GAD2: variants seen among roughly 807,000 people sequenced by gnomAD.
The protein encoded by GAD2 is 65 kDa glutamic acid decarboxylase.
GAD2 carries 22 observed loss-of-function variants against 80.1 expected under a neutral mutation model. The ratio of observed to expected loss-of-function variants is 0.27; its 90% CI spans 0.20 to 0.39. The LOEUF is 0.39. Among genes scored for constraint, GAD2 ranks in the 10% least tolerant of loss-of-function variants. GAD2 has a pLI of 1.00. For synonymous variants in GAD2, 274 were observed against 256.9 expected, an observed-to-expected ratio of 1.07 and a Z score of -0.64; for missense variants, 624 against 738.4, an observed-to-expected ratio of 0.85 and a Z score of 1.80.
chr10:26,275,788 A>G (rs560371824), intron 11 of GAD2, among the ~76,000 whole-genome samples: 2 of 152,204 alleles, frequency 1.3e-5, no homozygotes, highest in African/African-American at 2.4e-5. Flanking sequence ...AAGTAGAAGA[A>G]ATCCGTAGTC....
chr10:26,262,220 TGG>T (rs1845016970), intron 8 of GAD2, among the ~76,000 whole-genome samples: 1 of 151,464 alleles, frequency 6.6e-6, no homozygotes, highest in Admixed American at 6.6e-5. Context: ...CATTTTGAGG[TGG>T]GGGCAGATTT....
At chr10:26,230,291 T>C (rs1844584654) in intron 7 of GAD2, among the ~76,000 whole-genome samples, 1 of 152,222 alleles carries the variant, frequency 6.6e-6, no homozygotes, top group Non-Finnish European at 1.5e-5. Flanking sequence ...GCAGAGGGAC[T>C]GTGAGCTCAT....
chr10:26,218,976 A>T, intron 3 of GAD2, 67 bp from the exon 4 acceptor site: 1 of 1,222,592 alleles, frequency 8.2e-7, no homozygotes, highest in African/African-American at 1.5e-5. Flanking sequence ...TTATTGCCTC[A>T]TCAAGATCTT....
intron 8 of GAD2, among the ~76,000 whole-genome samples, chr10:26,249,899 G>T (rs1342002825): frequency 6.6e-6 from 1 of 152,130 alleles, no homozygotes; most frequent in Non-Finnish European, 1.5e-5. Flanking sequence ...AGGCAGGAGG[G>T]GTTTGCCATG....
chr10:26,240,974 G>A (rs531023825), intron 7 of GAD2, among the ~76,000 whole-genome samples: 74 of 152,010 alleles, frequency 4.9e-4, no homozygotes, highest in Middle Eastern at 3.4e-3. Context: ...TCCGGGAAGC[G>A]GAGCTTGCAG....
At chr10:26,225,554 T>C (rs1374474131) in intron 6 of GAD2, among the ~76,000 whole-genome samples, 2 of 152,094 alleles carry the variant, frequency 1.3e-5, no homozygotes, top group Non-Finnish European at 2.9e-5. Flanking sequence ...TGTCGTTGTG[T>C]CAGACAGAGC....
chr10:26,280,961 G>A, intron 11 of GAD2, 48 bp from the exon 12 acceptor site: 1 of 1,325,098 alleles, frequency 7.5e-7, no homozygotes, highest in African/African-American at 1.4e-5. Flanking sequence ...CATGCCCTGA[G>A]CCTGTCAGGG....
chr10:26,217,870 G>C lies in GAD2; in HGVS notation c.165G>C (p.Pro55=), dbSNP rs763695378. 4 of 1,606,390 alleles carry C rather than the reference G, an allele frequency of 2.5e-6. No individual in the cohort carries two copies. The South Asian group carries it at 3.3e-5, about 13-fold the overall frequency. The part of the protein sequence containing the change: ...CALLYGDAEK[P]AESGGSQPPR... ...TGCTCTACGGAGACGCCGAGAAGCC[G>C]GCGGAGAGCGGCGGGAGCCAACCCC... Residue 55 remains proline (P), a synonymous_variant, in exon 3 of 16, where the codon CCG becomes CCC. Coordinates refer to ENST00000376261, the MANE Select transcript of GAD2 (RefSeq NM_001134366.2). This position sits in a 1 kb window ranked among gnomAD's most constrained non-coding sequence, Gnocchi z 4.9.
intron 8 of GAD2, among the ~76,000 whole-genome samples, chr10:26,261,493 G>C (rs772983380): frequency 8.5e-5 from 13 of 152,142 alleles, no homozygotes; most frequent in Non-Finnish European, 8.8e-5. Flanking sequence ...TTAAATGTGT[G>C]ATAGAACTAT....
chr10:26,229,220 C>T (rs1844568021), intron 6 of GAD2, among the ~76,000 whole-genome samples: 1 of 150,740 alleles, frequency 6.6e-6, no homozygotes, highest in African/African-American at 2.4e-5. Context: ...AGTTGATTAG[C>T]AGCTTACACC....
intron 8 of GAD2, among the ~76,000 whole-genome samples, chr10:26,267,664 G>A (rs376717168): frequency 3.3e-5 from 5 of 151,936 alleles, no homozygotes; most frequent in East Asian, 1.9e-4. Flanking sequence ...CCAGGTAATT[G>A]TCTTTCTTTG....
intron 6 of GAD2, among the ~76,000 whole-genome samples, chr10:26,225,580 G>C (rs904876457): frequency 6.6e-6 from 1 of 152,140 alleles, no homozygotes; most frequent in Non-Finnish European, 1.5e-5. Context: ...CCAAGTGGTT[G>C]TGCTCTCTCT....
intron 3 of GAD2, chr10:26,218,244 A>G: frequency 2.5e-6 from 1 of 396,926 alleles, no homozygotes; most frequent in Non-Finnish European, 4.4e-6. Context: ...GGCCCTTGGG[A>G]TGGCGGGTGG....
intron 6 of GAD2, among the ~76,000 whole-genome samples, chr10:26,225,694 T>G (rs1240271316): frequency 6.6e-6 from 1 of 152,168 alleles, no homozygotes; most frequent in Non-Finnish European, 1.5e-5. Context: ...AGGCCAGGGC[T>G]TAAGTTAAGC....
At position 26,270,640 on chromosome 10, in the gene GAD2, G is replaced by C; in HGVS notation, c.976G>C (p.Gly326Arg). Residue 326 changes from glycine (G) to arginine (R), a missense_variant and splice_region_variant, in exon 10 of 16, where the codon GGG (glycine) becomes CGG (arginine). By Grantham distance (125) the Gly-to-Arg change is moderately radical (BLOSUM62 -2). Coordinates refer to ENST00000376261, the MANE Select transcript of GAD2 (RefSeq NM_001134366.2). Reference sequence around the variant, plus strand: ...ATTTGGGGCTTTCTCGTTCGCACAGGGGTTTGTTCCTTTCCTCGTGAGTGC... The same window carrying C: ...ATTTGGGGCTTTCTCGTTCGCACAGCGGTTTGTTCCTTTCCTCGTGAGTGC... Reference protein sequence around the residue: ...ERRILEAKQKGFVPFLVSATA... With the variant: ...ERRILEAKQKRFVPFLVSATA... 6.2e-7 allele frequency: 1 copy of C among 1,608,746 alleles called. No homozygotes were observed. Among genetic ancestry groups the C allele is most frequent in the East Asian group, 2.2e-5 (1 of 44,852 alleles).
chr10:26,282,212 G>A (rs1845280312), intron 12 of GAD2, among the ~76,000 whole-genome samples: 1 of 152,024 alleles, frequency 6.6e-6, no homozygotes. Context: ...CAAAGTGCTG[G>A]GATCACAGGC....
intron 8 of GAD2, among the ~76,000 whole-genome samples, chr10:26,251,044 ATTTTTTTTTTGCTTTT>A (rs951126883): frequency 8.5e-6 from 1 of 117,994 alleles, no homozygotes; most frequent in Non-Finnish European, 1.8e-5. Context: ...CATGCCCGGC[ATTTTTTTTTTGCTTTT>A]TTTTTTTTTT....
chr10:26,217,686 C>T lies in GAD2; in HGVS notation c.136+17C>T, dbSNP rs770903379. On this transcript the variant is annotated intron_variant, in intron 2 of 15. Transcript: ENST00000376261. This position sits in a 1 kb window ranked among gnomAD's most constrained non-coding sequence, Gnocchi z 4.9. ...AACTGTGCGGTGAGTGCCCAGGGAC[C>T]GGGGCGGCCAAGGTCGGCCCGCGGG... 6.2e-7 allele frequency: 1 copy of T among 1,612,578 alleles called. No individual in the cohort carries two copies. Among genetic ancestry groups the T allele is most frequent in the South Asian group, 1.1e-5 (1 of 90,764 alleles).
In GAD2 at chr10:26,229,667, G is replaced by T. The variant is rs372039859; in HGVS notation, c.730G>T (p.Ala244Ser). The T allele has an allele frequency of 2.5e-6, 4 of 1,611,926 alleles. No homozygotes were observed. The highest frequency in any genetic ancestry group is 1.7e-5 in the Admixed American group (1 of 59,910). The change falls in exon 7 of 16, where the codon GCC becomes TCC. Residue 244 changes from alanine (A) to serine (S), a missense_variant. By Grantham distance (99) the Ala-to-Ser change is moderately conservative. Coordinates refer to ENST00000376261, the MANE Select transcript of GAD2 (RefSeq NM_001134366.2). ...SGDGIFSPGG[A>S]ISNMYAMMIA... ...CGTGTTGCTGTGCACTTTAGGTGGCGCCATATCTAACATGTATGCCATGAT... is the reference window on the plus strand; with the variant it reads ...CGTGTTGCTGTGCACTTTAGGTGGCTCCATATCTAACATGTATGCCATGAT...
Sources: gnomAD v4.1 joint callset for allele counts (sites outside exome capture counted in the v4.1 genomes callset) on GRCh38, gnomAD v4.1.1 for gene constraint, Gnocchi (gnomAD v3.1) non-coding constraint, MANE v1.5 for transcripts, NCBI Gene and HGNC (gene_info 2026-07-23, HGNC 2026-07-21) for gene names.